Variants in CSRNP3 observed in about 807,000 individuals in gnomAD.
CSRNP3 encodes the protein cysteine/serine-rich nuclear protein 3.
A neutral mutation model predicts 48.0 loss-of-function variants in CSRNP3; 12 were observed. That is an observed-to-expected ratio of 0.25 (90% CI 0.16 to 0.41). CSRNP3 has a LOEUF of 0.41. CSRNP3 is among the 10% of genes least tolerant of loss of function. The pLI, the probability that CSRNP3 is intolerant of heterozygous loss-of-function variation, is 1.00. For synonymous variants in CSRNP3, 263 were observed against 269.7 expected (o/e 0.98, Z 0.24); for missense variants, 580 against 724.4 (o/e 0.80, Z 2.29).
At chr2:165,633,803 T>G (rs1326934508) in intron 4 of CSRNP3, among the ~76,000 whole-genome samples, 1 of 152,214 alleles carries the variant, frequency 6.6e-6, no homozygotes, top group Non-Finnish European at 1.5e-5. Flanking sequence ...GAAGCTCCTC[T>G]GCAATCATTC....
intron 4 of CSRNP3, among the ~76,000 whole-genome samples, chr2:165,635,502 G>A (rs1383806251): frequency 6.6e-6 from 1 of 152,202 alleles, no homozygotes; most frequent in Non-Finnish European, 1.5e-5. Context: ...ATAGAGGTTA[G>A]CGTTTGGAGA....
chr2:165,658,433 A>G (rs1163731716), intron 5 of CSRNP3, among the ~76,000 whole-genome samples: 1 of 152,228 alleles, frequency 6.6e-6, no homozygotes, highest in Admixed American at 6.5e-5. Flanking sequence ...ATGAAAGTTT[A>G]TAATAGGGAA....
intron 2 of CSRNP3, among the ~76,000 whole-genome samples, chr2:165,497,713 G>A (rs1197758578): frequency 6.6e-6 from 1 of 152,026 alleles, no homozygotes; most frequent in Non-Finnish European, 1.5e-5. Context: ...TGCAGATGTG[G>A]AGACTAAGGT....
chr2:165,554,907 T>A, intron 3 of CSRNP3, among the ~76,000 whole-genome samples: 1 of 152,328 alleles, frequency 6.6e-6, no homozygotes, highest in African/African-American at 2.4e-5. Context: ...ACTTCCCCGA[T>A]CACATCACCC....
In CSRNP3 at chr2:165,687,832, T is replaced by C. The variant is rs137936781; in HGVS notation, c.*8079T>C. ...TCCCTGGAGCTTTCAAAGCCTTTTT[T>C]ATCTGCTCAGAGTTGACACCCAACT... On this transcript the variant is annotated 3_prime_UTR_variant, in exon 7 of 7. Coordinates refer to ENST00000651982, the MANE Select transcript of CSRNP3 (RefSeq NM_001172173.2). 8 of 152,208 alleles carry C rather than the reference T, an allele frequency of 5.3e-5. No homozygotes were observed. In the East Asian group the frequency reaches 1.4e-3, roughly 26 times the overall value. The allele number at this position is 152,208 out of a possible 1,614,324, so 9.4% of individuals were successfully genotyped here.
chr2:165,649,239 GT>G (rs1686865978), intron 4 of CSRNP3, among the ~76,000 whole-genome samples: 1 of 152,164 alleles, frequency 6.6e-6, no homozygotes. Flanking sequence ...ATATGAGAGG[GT>G]TTTTTTCTTT....
intron 4 of CSRNP3, among the ~76,000 whole-genome samples, chr2:165,602,896 A>AT (rs547725007): frequency 1.7e-3 from 259 of 151,126 alleles, no homozygotes; most frequent in African/African-American, 5.8e-3. Flanking sequence ...TTATTTTTTT[A>AT]TTTTTTTTAA....
intron 1 of CSRNP3, among the ~76,000 whole-genome samples, chr2:165,493,023 G>A (rs1684239913): frequency 6.6e-6 from 1 of 151,040 alleles, no homozygotes; most frequent in Non-Finnish European, 1.5e-5. Context: ...AAGTCTGTTA[G>A]AAGCCAAAGC....
Position 165,686,819 on chromosome 2 carries a change from T to A in CSRNP3, c.*7066T>A, listed in dbSNP as rs1687638242. 6.6e-6 allele frequency: 1 copy of A among 152,088 alleles called. No individual in the cohort carries two copies. Among genetic ancestry groups the A allele is most frequent in the Admixed American group, 6.6e-5 (1 of 15,234 alleles). The allele number at this position is 152,088 out of a possible 1,614,324, so 9.4% of individuals were successfully genotyped here. On this transcript the variant is annotated 3_prime_UTR_variant, in exon 7 of 7. Transcript: ENST00000651982. ...GGGATCTCAGAATAGTTTAATCTTT[T>A]CAAAGATACTCACAATGGCCAACTG...
intron 4 of CSRNP3, among the ~76,000 whole-genome samples, chr2:165,598,994 C>T (rs774414379): frequency 4.5e-4 from 68 of 151,932 alleles, no homozygotes; most frequent in Admixed American, 7.9e-4. Context: ...AATCCCAGCA[C>T]TTTGGGAGGG....
At position 165,679,270 on chromosome 2, in the gene CSRNP3, T is replaced by C. The variant is rs759384804; in HGVS notation, c.1275T>C (p.Asn425=). The change falls in exon 7 of 7, where the codon AAT becomes AAC. Residue 425 remains asparagine (N), a synonymous_variant. Transcript: ENST00000651982. ...GTAVHESHAK[N]ASFYANSSTL... Reference sequence around the variant, plus strand: ...CCGTTCACGAAAGCCATGCAAAGAATGCTTCTTTTTATGCCAACTCTTCAA... The same window carrying C: ...CCGTTCACGAAAGCCATGCAAAGAACGCTTCTTTTTATGCCAACTCTTCAA... 1.2e-6 allele frequency: 2 copies of C among 1,613,940 alleles called. No individual in the cohort carries two copies. Among genetic ancestry groups the C allele is most frequent in the South Asian group, 2.2e-5 (2 of 91,070 alleles).
intron 3 of CSRNP3, among the ~76,000 whole-genome samples, chr2:165,593,854 G>C (rs1049508654): frequency 6.6e-6 from 1 of 152,150 alleles, no homozygotes; most frequent in Non-Finnish European, 1.5e-5. Flanking sequence ...CTGAAAATCT[G>C]AAATCTAAAA....
At chr2:165,633,388 A>T (rs1257060402) in intron 4 of CSRNP3, among the ~76,000 whole-genome samples, 1 of 152,178 alleles carries the variant, frequency 6.6e-6, no homozygotes, top group African/African-American at 2.4e-5. Flanking sequence ...GGCATCGATA[A>T]TATTTTGATT....
chr2:165,483,026 A>G (rs1367735961), intron 1 of CSRNP3, among the ~76,000 whole-genome samples: 1 of 144,040 alleles, frequency 6.9e-6, no homozygotes, highest in East Asian at 2.1e-4. Flanking sequence ...ACATACGTAT[A>G]TGTGTGTGTG....
chr2:165,507,388 C>T (rs1440966432), intron 2 of CSRNP3, among the ~76,000 whole-genome samples: 1 of 152,142 alleles, frequency 6.6e-6, no homozygotes, highest in Non-Finnish European at 1.5e-5. Context: ...TCTTTTATTA[C>T]ATCATCATGC....
intron 2 of CSRNP3, among the ~76,000 whole-genome samples, chr2:165,498,363 G>T (rs1334545650): frequency 6.6e-6 from 1 of 151,990 alleles, no homozygotes; most frequent in Non-Finnish European, 1.5e-5. Flanking sequence ...TTGCCAGATG[G>T]ATGCCTGGAC....
At chr2:165,484,122 T>G (rs2105450811) in intron 1 of CSRNP3, among the ~76,000 whole-genome samples, 1 of 152,264 alleles carries the variant, frequency 6.6e-6, no homozygotes, top group African/African-American at 2.4e-5. Flanking sequence ...ATTTTATTAT[T>G]TTTGAGACAG....
intron 3 of CSRNP3, among the ~76,000 whole-genome samples, chr2:165,552,463 C>T (rs990454496): frequency 2.6e-5 from 4 of 152,064 alleles, no homozygotes; most frequent in South Asian, 2.1e-4. Context: ...CAACTGTGGA[C>T]GCAATAGGAT....
chr2:165,593,062 A>C (rs1413137508), intron 3 of CSRNP3, among the ~76,000 whole-genome samples: 1 of 151,948 alleles, frequency 6.6e-6, no homozygotes, highest in African/African-American at 2.4e-5. Flanking sequence ...CGGCCTCCCA[A>C]AGTGCTGGGA....
Sources: allele counts gnomAD v4.1 joint callset (sites outside exome capture counted in the v4.1 genomes callset), GRCh38; gene constraint gnomAD v4.1.1; transcripts MANE v1.5; gene names NCBI Gene and HGNC (gene_info 2026-07-23, HGNC 2026-07-21).